Variants in AGAP1 observed in about 807,000 individuals in gnomAD.
AGAP1 encodes the protein arf-GAP with GTPase, ANK repeat and PH domain-containing protein 1.
Under a neutral mutation model 105.3 loss-of-function variants are expected in AGAP1, and 29 were observed. The observed-to-expected ratio is 0.28, with a 90% CI of 0.21 to 0.38. AGAP1 has a LOEUF of 0.38. AGAP1 is among the 10% of genes least tolerant of loss of function. The pLI is 1.00. For synonymous variants in AGAP1, 509 were observed against 485.9 expected (o/e 1.05, Z -0.63); for missense variants, 998 against 1,165.1 (o/e 0.86, Z 2.09).
intron 9 of AGAP1, among the ~76,000 whole-genome samples, chr2:235,860,979 C>T (rs1158023367): frequency 6.6e-6 from 1 of 152,196 alleles, no homozygotes; most frequent in Non-Finnish European, 1.5e-5. Context: ...AGACACCCCT[C>T]CTCTTACCAC....
chr2:236,097,667 G>T (rs565160779), intron 16 of AGAP1, among the ~76,000 whole-genome samples: 2 of 152,110 alleles, frequency 1.3e-5, no homozygotes, highest in East Asian at 3.9e-4. Context: ...GGCCAAGGTG[G>T]GTGGATCACG....
At chr2:236,018,014 C>T (rs1004771571) in intron 13 of AGAP1, among the ~76,000 whole-genome samples, 10 of 152,316 alleles carry the variant, frequency 6.6e-5, no homozygotes, top group African/African-American at 1.9e-4. Flanking sequence ...ACAAGGGAAA[C>T]GCACAGACAA....
chr2:235,518,155 G>A (rs748442910), intron 1 of AGAP1, among the ~76,000 whole-genome samples: 57 of 152,140 alleles, frequency 3.7e-4, no homozygotes, highest in Admixed American at 2.0e-4. Flanking sequence ...TCCTTTGCCC[G>A]AAGACGACTG....
chr2:235,901,555 C>G lies in AGAP1; in HGVS notation c.1156-7183C>G, dbSNP rs76412018. On this transcript the variant is annotated intron_variant, in intron 10 of 17. Coordinates refer to ENST00000304032, the MANE Select transcript of AGAP1 (RefSeq NM_001037131.3). The surrounding 1 kb of genome is among the most constrained non-coding windows in gnomAD (Gnocchi z 4.3). Reference sequence around the variant, plus strand: ...GACATGAAGCTAGACTAGTGGTTCTCAAGACTTTGGGCTCAGGACCCCTTT... The same window carrying G: ...GACATGAAGCTAGACTAGTGGTTCTGAAGACTTTGGGCTCAGGACCCCTTT... Among the ~76,000 whole-genome samples the G allele has an allele frequency of 0.018, 2,784 of 152,268 alleles. 96 individuals carry two copies. The highest frequency in any genetic ancestry group is 0.063 in the African/African-American group (2,630 of 41,542).
rs6714621 is a variant in AGAP1 at position 235,901,873 on chromosome 2, C to T, written c.1156-6865C>T. The stretch of plus-strand genomic sequence containing the variant: ...CAGCCTGGGCGACAGAGTGAGACTC[C>T]GTCTCGGAAAAAAAAAAAAAAATTA... On this transcript the variant is annotated intron_variant, in intron 10 of 17. Coordinates refer to ENST00000304032, the MANE Select transcript of AGAP1 (RefSeq NM_001037131.3). The surrounding 1 kb of genome is among the most constrained non-coding windows in gnomAD (Gnocchi z 4.3). 6.7e-3 allele frequency among the ~76,000 whole-genome samples: 654 copies of T among 97,316 alleles called. 7 individuals are homozygous for T. Among genetic ancestry groups the T allele is most frequent in the African/African-American group, 0.023 (596 of 25,668 alleles). 63.8% of individuals were successfully genotyped at this position (97,316 alleles called of 152,430 possible). A position where few individuals can be genotyped will look rare whatever the true frequency, so the allele number is the denominator to read the frequency against.
At position 235,692,508 on chromosome 2, in the gene AGAP1, T is replaced by C. The variant is rs1432493896; in HGVS notation, c.164-16671T>C. ...TGCCGTTAGAATGAAACCCAAACTC[T>C]GCACTCCAGCCCCAGCATCAAACCA... is the stretch of plus-strand genomic sequence containing the variant. On this transcript the variant is annotated intron_variant, in intron 1 of 17. Coordinates refer to ENST00000304032, the MANE Select transcript of AGAP1 (RefSeq NM_001037131.3). The surrounding 1 kb of genome is among the most constrained non-coding windows in gnomAD (Gnocchi z 5.8). Among the ~76,000 whole-genome samples the C allele has an allele frequency of 6.6e-6, 1 of 152,186 alleles. No homozygotes were observed. Among genetic ancestry groups the C allele is most frequent in the East Asian group, 1.9e-4 (1 of 5,172 alleles).
At position 236,014,199 on chromosome 2, in the gene AGAP1, G is replaced by T. The variant is rs111786989; in HGVS notation, c.1646-22362G>T. Among the ~76,000 whole-genome samples the T allele has an allele frequency of 6.6e-6, 1 of 152,108 alleles. No homozygotes were observed. The highest frequency in any genetic ancestry group is 1.5e-5 in the Non-Finnish European group (1 of 67,998). On this transcript the variant is annotated intron_variant, in intron 13 of 17. Coordinates refer to ENST00000304032, the MANE Select transcript of AGAP1 (RefSeq NM_001037131.3). This position sits in a 1 kb window ranked among gnomAD's most constrained non-coding sequence, Gnocchi z 6.3. ...CTCCATTTAGAGCCGTAACTCCCCCGAGTGTCAAAGAGAATAGACTCCTCC... is the reference window on the plus strand; with the variant it reads ...CTCCATTTAGAGCCGTAACTCCCCCTAGTGTCAAAGAGAATAGACTCCTCC...
intron 16 of AGAP1, among the ~76,000 whole-genome samples, chr2:236,098,279 C>A (rs897154924): frequency 6.6e-6 from 1 of 152,066 alleles, no homozygotes; most frequent in Non-Finnish European, 1.5e-5. Flanking sequence ...ACGTTTTATT[C>A]ATTTAAAATA....
At chr2:235,697,990 C>T (rs1248295635) in intron 1 of AGAP1, among the ~76,000 whole-genome samples, 1 of 152,184 alleles carries the variant, frequency 6.6e-6, no homozygotes, top group Non-Finnish European at 1.5e-5. Context: ...ACAGCAGTCT[C>T]CAAGCTTTTT....
chr2:236,081,100 ACAGC>A (rs1203434769), intron 16 of AGAP1, among the ~76,000 whole-genome samples: 6 of 152,154 alleles, frequency 3.9e-5, no homozygotes, highest in African/African-American at 1.4e-4. Flanking sequence ...CATGACAGTC[ACAGC>A]CCTGCCTATT....
chr2:235,606,124 C>T lies in AGAP1; in HGVS notation c.164-103055C>T, dbSNP rs574392344. Among the ~76,000 whole-genome samples, 11 of 152,294 alleles carry T rather than the reference C, an allele frequency of 7.2e-5. No individual in the cohort carries two copies. The South Asian group carries it at 1.2e-3, about 17-fold the overall frequency. Reference sequence around the variant, plus strand: ...AATATTCATGGTTCCCAAGATCGGCCATTTCCCCGGCCTTTCACCGGTGAG... The same window carrying T: ...AATATTCATGGTTCCCAAGATCGGCTATTTCCCCGGCCTTTCACCGGTGAG... On this transcript the variant is annotated intron_variant, in intron 1 of 17. Coordinates refer to ENST00000304032, the MANE Select transcript of AGAP1 (RefSeq NM_001037131.3).
At chr2:235,922,203 C>T (rs1240101795) in intron 11 of AGAP1, among the ~76,000 whole-genome samples, 1 of 152,190 alleles carries the variant, frequency 6.6e-6, no homozygotes, top group Non-Finnish European at 1.5e-5. Context: ...AGAAAGCCGT[C>T]CCTGGATGTT....
intron 6 of AGAP1, among the ~76,000 whole-genome samples, chr2:235,770,012 TTAAAA>T (rs1559463302): frequency 6.6e-6 from 1 of 152,276 alleles, no homozygotes; most frequent in Admixed American, 6.5e-5. Flanking sequence ...GTTTTTGTGA[TTAAAA>T]TAACTTGTTT....
At position 235,787,459 on chromosome 2, in the gene AGAP1, C is replaced by T. The variant is rs1198092395; in HGVS notation, c.674-10300C>T. On this transcript the variant is annotated intron_variant, in intron 6 of 17. Coordinates refer to ENST00000304032, the MANE Select transcript of AGAP1 (RefSeq NM_001037131.3). This position sits in a 1 kb window ranked among gnomAD's most constrained non-coding sequence, Gnocchi z 4.4. ...TCTCTTTATAGCACTTTCTATATCC[C>T]ACATGCTGCCACTTATCTAACACAT... Among the ~76,000 whole-genome samples, 1 of 152,186 alleles carries T rather than the reference C, an allele frequency of 6.6e-6. No individual in the cohort carries two copies. Among genetic ancestry groups the T allele is most frequent in the Non-Finnish European group, 1.5e-5 (1 of 68,034 alleles).
rs1038161767 is a variant in AGAP1, at chr2:236,109,656, C to T, written c.2115-10536C>T. ...CCGGCAGCCGTGGGAACGTCCTAGT[C>T]GGCGGCAGCGTCGGTGCTCTGGACC... On this transcript the variant is annotated intron_variant, in intron 16 of 17. Coordinates refer to ENST00000304032, the MANE Select transcript of AGAP1 (RefSeq NM_001037131.3). This position sits in a 1 kb window ranked among gnomAD's most constrained non-coding sequence, Gnocchi z 5.4. Among the ~76,000 whole-genome samples, 11 of 152,156 alleles carry T rather than the reference C, an allele frequency of 7.2e-5. No homozygotes were observed. The highest frequency in any genetic ancestry group is 2.1e-4 in the South Asian group (1 of 4,830).
chr2:236,024,347 C>G (rs1162204489), intron 13 of AGAP1, among the ~76,000 whole-genome samples: 2 of 152,102 alleles, frequency 1.3e-5, no homozygotes, highest in African/African-American at 2.4e-5. Context: ...CCATCAACAG[C>G]TTTGAGCCAT....
intron 16 of AGAP1, among the ~76,000 whole-genome samples, chr2:236,074,883 C>T (rs933382598): frequency 1.3e-5 from 2 of 152,086 alleles, no homozygotes; most frequent in Non-Finnish European, 2.9e-5. Flanking sequence ...GGCAAAACCC[C>T]ATCTCTACAA....
At position 236,053,139 on chromosome 2, in the gene AGAP1, G is replaced by C. The variant is rs1465307731; in HGVS notation, c.2114+3858G>C. ...GGCGGGGCTCTGGGTTCCAGTGTTA[G>C]AGGTACATGGTGTTACTGTAAGGAG... is the stretch of plus-strand genomic sequence containing the variant. On this transcript the variant is annotated intron_variant, in intron 16 of 17. Coordinates refer to ENST00000304032, the MANE Select transcript of AGAP1 (RefSeq NM_001037131.3). The surrounding 1 kb of genome is among the most constrained non-coding windows in gnomAD (Gnocchi z 4.6). Among the ~76,000 whole-genome samples, 1 of 152,246 alleles carries C rather than the reference G, an allele frequency of 6.6e-6. No homozygotes were observed. Among genetic ancestry groups the C allele is most frequent in the East Asian group, 1.9e-4 (1 of 5,194 alleles).
In AGAP1 at chr2:235,936,315, T is replaced by C. The variant is rs577895501; in HGVS notation, c.1483+5392T>C. Among the ~76,000 whole-genome samples, 3 of 152,198 alleles carry C rather than the reference T, an allele frequency of 2.0e-5. No individual in the cohort carries two copies. The highest frequency in any genetic ancestry group is 4.4e-5 in the Non-Finnish European group (3 of 68,030). On this transcript the variant is annotated intron_variant, in intron 12 of 17. Coordinates refer to ENST00000304032, the MANE Select transcript of AGAP1 (RefSeq NM_001037131.3). The surrounding 1 kb of genome is among the most constrained non-coding windows in gnomAD (Gnocchi z 4.7). Reference sequence around the variant, plus strand: ...TGTATCACATGTGTGTGTGTACGGGTGTATGCTCTGGTCCCTGTTTCCTTC... The same window carrying C: ...TGTATCACATGTGTGTGTGTACGGGCGTATGCTCTGGTCCCTGTTTCCTTC...
Sources: allele counts gnomAD v4.1 joint callset (sites outside exome capture counted in the v4.1 genomes callset), GRCh38; gene constraint gnomAD v4.1.1; non-coding constraint Gnocchi (gnomAD v3.1); transcripts MANE v1.5; gene names NCBI Gene and HGNC (gene_info 2026-07-23, HGNC 2026-07-21).